The following DPH6 variants were observed in gnomAD, a reference collection of about 807,000 sequenced individuals.
The protein encoded by DPH6 is diphthamine biosynthesis 6.
Under a neutral mutation model 38.2 loss-of-function variants are expected in DPH6, and 33 were observed. That is an observed-to-expected ratio of 0.86 (90% CI 0.65 to 1.15). DPH6 has a LOEUF of 1.15. Ranked by LOEUF, DPH6 falls within the 50% of genes most tolerant of loss-of-function variation. The probability of loss-of-function intolerance (pLI) is 0.00; values close to 1 mark genes in which losing one functional copy is unlikely to be tolerated. For missense variants in DPH6, 325 were observed against 320.0 expected, an observed-to-expected ratio of 1.02 and a Z score of -0.12; for synonymous variants, 108 against 103.0, an observed-to-expected ratio of 1.05 and a Z score of -0.30.
chr15:35,161,136 A>G, the DPH6 span, among the ~76,000 whole-genome samples: 1 of 152,030 alleles, frequency 6.6e-6, no homozygotes, highest in African/African-American at 2.4e-5. Flanking sequence ...AACTTAAAGT[A>G]TAATAATAAT....
intron 3 of DPH6, among the ~76,000 whole-genome samples, chr15:35,257,627 T>C (rs1035371277): frequency 2.0e-5 from 3 of 152,162 alleles, no homozygotes; most frequent in Admixed American, 1.3e-4. Context: ...AAGTGCACTG[T>C]AGGAGATAAA....
At chr15:35,213,434 T>A (rs982696821), downstream of DPH6, among the ~76,000 whole-genome samples, 9 of 152,296 alleles carry the variant, frequency 5.9e-5, no homozygotes, top group African/African-American at 2.2e-4. Context: ...AACACACGTT[T>A]TTATGCTTGT....
chr15:35,409,948 A>C (rs1252108996), intron 6 of DPH6, among the ~76,000 whole-genome samples: 1 of 151,778 alleles, frequency 6.6e-6, no homozygotes, highest in Non-Finnish European at 1.5e-5. Flanking sequence ...AACATTTCGG[A>C]GATTTCTAGG....
intron 3 of DPH6, among the ~76,000 whole-genome samples, chr15:35,529,567 A>AC (rs904090961): frequency 1.3e-5 from 2 of 151,854 alleles, no homozygotes; most frequent in African/African-American, 4.8e-5. Flanking sequence ...CACCCTCTGA[A>AC]CTCCCATAAC....
At chr15:35,431,912 G>A (rs1202114696) in intron 5 of DPH6, among the ~76,000 whole-genome samples, 1 of 152,004 alleles carries the variant, frequency 6.6e-6, no homozygotes, top group East Asian at 1.9e-4. Flanking sequence ...CTCAGCCTCT[G>A]GAGTAGCGGG....
At chr15:35,424,581 C>G (rs1003339578) in intron 5 of DPH6, among the ~76,000 whole-genome samples, 11 of 151,384 alleles carry the variant, frequency 7.3e-5, no homozygotes, top group Non-Finnish European at 1.3e-4. Context: ...GCTAGGATTT[C>G]TAGTACAATG....
At chr15:35,484,575 C>T (rs1281866483) in intron 3 of DPH6, among the ~76,000 whole-genome samples, 1 of 152,192 alleles carries the variant, frequency 6.6e-6, no homozygotes, top group Non-Finnish European at 1.5e-5. Context: ...CATGTGGACC[C>T]CTCCATCGGG....
intron 3 of DPH6, among the ~76,000 whole-genome samples, chr15:35,332,415 T>G (rs2052333105): frequency 6.6e-6 from 1 of 152,194 alleles, no homozygotes; most frequent in African/African-American, 2.4e-5. Context: ...AAATGGAAAG[T>G]AATATAATTT....
intron 3 of DPH6, among the ~76,000 whole-genome samples, chr15:35,298,095 A>C (rs748556228): frequency 3.3e-5 from 5 of 152,150 alleles, no homozygotes; most frequent in Non-Finnish European, 7.4e-5. Flanking sequence ...AAGCCACAAA[A>C]TAAAAAAGGG....
At chr15:35,422,750 A>T (rs1266830427) in intron 5 of DPH6, among the ~76,000 whole-genome samples, 4 of 151,900 alleles carry the variant, frequency 2.6e-5, no homozygotes, top group Non-Finnish European at 1.5e-5. Flanking sequence ...GGTAACTACC[A>T]TTCTATTCTT....
At chr15:35,237,965 G>A in intron 3 of DPH6, 1 of 1,425,946 alleles carries the variant, frequency 7.0e-7, no homozygotes, top group East Asian at 2.3e-5. Context: ...TAACGATGGA[G>A]AGGTTGATGA....
intron 6 of DPH6, among the ~76,000 whole-genome samples, chr15:35,410,194 T>A (rs923576754): frequency 5.3e-5 from 8 of 151,804 alleles, no homozygotes; most frequent in Non-Finnish European, 1.2e-4. Flanking sequence ...TCCATCATCA[T>A]GGTAGAATAT....
intron 3 of DPH6, among the ~76,000 whole-genome samples, chr15:35,460,059 T>TATGTA (rs2054044637): frequency 6.6e-6 from 1 of 152,170 alleles, no homozygotes; most frequent in Non-Finnish European, 1.5e-5. Flanking sequence ...CTTACTGACA[T>TATGTA]AGTACCATAT....
intron 3 of DPH6, among the ~76,000 whole-genome samples, chr15:35,352,396 C>T (rs558868759): frequency 1.1e-4 from 17 of 152,300 alleles, no homozygotes; most frequent in Middle Eastern, 3.4e-3. Flanking sequence ...CGACCTTTAA[C>T]ATTAGGTATA....
chr15:35,282,775 C>T, intron 3 of DPH6: 1 of 340,206 alleles, frequency 2.9e-6, no homozygotes, highest in Non-Finnish European at 6.1e-6. Flanking sequence ...CTAGTCATCC[C>T]TTCCAAAAAA....
chr15:35,266,766 G>A (rs1371449567), intron 3 of DPH6, among the ~76,000 whole-genome samples: 1 of 152,084 alleles, frequency 6.6e-6, no homozygotes, highest in Non-Finnish European at 1.5e-5. Context: ...AGTAATAATT[G>A]TTTTCTATTG....
chr15:35,509,187 A>C (rs2054734737), intron 3 of DPH6, among the ~76,000 whole-genome samples: 1 of 152,236 alleles, frequency 6.6e-6, no homozygotes, highest in Non-Finnish European at 1.5e-5. Context: ...TAGGCTTAGG[A>C]AGAGTTAAGA....
At chr15:35,243,368 TGTTTTA>T (rs2051614215) in intron 3 of DPH6, among the ~76,000 whole-genome samples, 1 of 143,004 alleles carries the variant, frequency 7.0e-6, no homozygotes, top group African/African-American at 2.5e-5. Context: ...AACACTATTT[TGTTTTA>T]TTTTTCTTAT....
intron 3 of DPH6, among the ~76,000 whole-genome samples, chr15:35,312,983 T>C (rs1261557783): frequency 6.6e-6 from 1 of 152,160 alleles, no homozygotes; most frequent in Non-Finnish European, 1.5e-5. Flanking sequence ...ATCCCAGCAC[T>C]TTGGGAGGCT....
Sources: gnomAD v4.1 joint callset for allele counts (sites outside exome capture counted in the v4.1 genomes callset) on GRCh38, gnomAD v4.1.1 for gene constraint, MANE v1.5 for transcripts, NCBI Gene and HGNC (gene_info 2026-07-23, HGNC 2026-07-21) for gene names.